Variants in METTL16 observed in about 807,000 individuals in gnomAD.
The protein encoded by METTL16 is methyltransferase 16, RNA N6-adenosine.
In METTL16, 19 loss-of-function variants were observed where a neutral mutation model predicts 57.9. The ratio of observed to expected loss-of-function variants is 0.33; its 90% confidence interval spans 0.23 to 0.48. The LOEUF (loss-of-function observed/expected upper bound fraction) is 0.48, where lower values mean the gene tolerates loss of function less well. METTL16 is among the 20% of genes least tolerant of loss of function. The pLI is 0.99. For synonymous variants in METTL16, 246 were observed against 255.6 expected, an observed-to-expected ratio of 0.96 and a Z score of 0.36; for missense variants, 434 against 691.5, an observed-to-expected ratio of 0.63 and a Z score of 4.18.
intron 2 of METTL16, among the ~76,000 whole-genome samples, chr17:2,492,082 G>A (rs1208567686): frequency 2.6e-5 from 4 of 150,986 alleles, no homozygotes; most frequent in Admixed American, 1.3e-4. Context: ...GTGGTGGCGG[G>A]TGCCTGTAGT....
intron 2 of METTL16, among the ~76,000 whole-genome samples, chr17:2,492,897 C>CAAAAAAAA (rs56853674): frequency 2.6e-5 from 2 of 75,884 alleles, no homozygotes; most frequent in African/African-American, 1.0e-4. Flanking sequence ...GACTCCGTCT[C>CAAAAAAAA]AAAAAAAAAA....
intron 8 of METTL16, among the ~76,000 whole-genome samples, chr17:2,434,491 G>A (rs1159052080): frequency 2.6e-5 from 4 of 152,178 alleles, no homozygotes; most frequent in Non-Finnish European, 5.9e-5. Context: ...GGGATCACAG[G>A]CATCAGCCAC....
chr17:2,511,819 T>A lies in METTL16; in HGVS notation c.-61A>T. The A allele has an allele frequency of 2.5e-6, 1 of 398,554 alleles. No individual in the cohort carries two copies. Among genetic ancestry groups the A allele is most frequent in the Non-Finnish European group, 4.4e-6 (1 of 226,078 alleles). The allele number at this position is 398,554 out of a possible 1,614,324, so 24.7% of individuals were successfully genotyped here. The stretch of plus-strand genomic sequence containing the variant: ...GGCGTGGGCCTGTACAACCCTAGAA[T>A]CTTAAAGCAGCCGCATAGCGAAGCT... On this transcript the variant is annotated 5_prime_UTR_variant, in exon 1 of 10. Transcript: ENST00000263092.
chr17:2,481,850 A>C (rs897591949), intron 2 of METTL16, among the ~76,000 whole-genome samples: 1 of 48,946 alleles, frequency 2.0e-5, no homozygotes, highest in Non-Finnish European at 3.8e-5. Flanking sequence ...ACCAGACTTT[A>C]AGGCTTACAA....
Position 2,466,193 on chromosome 17 carries a change from C to CAAAAAAAAAAAAAAAAAAAA in METTL16, c.585+1567_585+1568insTTTTTTTTTTTTTTTTTTTT. Among the ~76,000 whole-genome samples the CAAAAAAAAAAAAAAAAAAAA allele has an allele frequency of 1.9e-5, 2 of 103,900 alleles. 1 individual carries two copies. Among genetic ancestry groups the CAAAAAAAAAAAAAAAAAAAA allele is most frequent in the Non-Finnish European group, 4.4e-5 (2 of 45,938 alleles). 68.2% of individuals were successfully genotyped at this position (103,900 alleles called of 152,430 possible). ...GGGTGACAAGAGTAAGACTCTGTCA[C>CAAAAAAAAAAAAAAAAAAAA]AAAAAAAAAAAAAAAAAAAGCCACT... On this transcript the variant is annotated intron_variant, in intron 5 of 9. Coordinates refer to ENST00000263092, the MANE Select transcript of METTL16 (RefSeq NM_024086.4).
chr17:2,469,256 A>G (rs1049042493), intron 4 of METTL16, among the ~76,000 whole-genome samples: 2 of 152,082 alleles, frequency 1.3e-5, no homozygotes, highest in African/African-American at 4.8e-5. Context: ...AAAAATAAAA[A>G]TAAATAAATA....
intron 6 of METTL16, among the ~76,000 whole-genome samples, chr17:2,446,583 G>C (rs923162491): frequency 5.2e-5 from 7 of 133,838 alleles, no homozygotes; most frequent in African/African-American, 2.2e-4. Context: ...GAGATCAAGA[G>C]CATCCTGGCT....
intron 6 of METTL16, among the ~76,000 whole-genome samples, chr17:2,459,281 G>A (rs2067132114): frequency 6.6e-6 from 1 of 152,184 alleles, no homozygotes; most frequent in Non-Finnish European, 1.5e-5. Flanking sequence ...AAAGACCACT[G>A]GACTAGAATG....
At chr17:2,499,800 C>A (rs1199204224) in intron 2 of METTL16, among the ~76,000 whole-genome samples, 3 of 152,096 alleles carry the variant, frequency 2.0e-5, no homozygotes, top group Admixed American at 2.0e-4. Context: ...GTTGCCCAGG[C>A]TGAAGTGCAG....
At chr17:2,437,275 G>T (rs1042592657) in intron 8 of METTL16, among the ~76,000 whole-genome samples, 3 of 152,082 alleles carry the variant, frequency 2.0e-5, no homozygotes, top group African/African-American at 7.2e-5. Context: ...TTCAAAAATG[G>T]TTAAGATTCT....
chr17:2,492,872 T>C (rs1597469235), intron 2 of METTL16, among the ~76,000 whole-genome samples: 1 of 121,260 alleles, frequency 8.2e-6, no homozygotes, highest in Non-Finnish European at 1.6e-5. Flanking sequence ...CACTCCAGCC[T>C]GGGCAACAGA....
At chr17:2,444,713 A>ATT (rs1284220670) in intron 6 of METTL16, among the ~76,000 whole-genome samples, 14 of 129,324 alleles carry the variant, frequency 1.1e-4, no homozygotes, top group African/African-American at 2.6e-4. Context: ...CAGATGGACC[A>ATT]TTTTTTTTTT....
At chr17:2,466,545 A>G (rs1313271835) in intron 5 of METTL16, among the ~76,000 whole-genome samples, 1 of 152,158 alleles carries the variant, frequency 6.6e-6, no homozygotes, top group South Asian at 2.1e-4. Context: ...TCGTTAAGTC[A>G]ATCTAAATTG....
intron 2 of METTL16, 44 bp downstream of exon 2, chr17:2,502,160 T>A: frequency 6.3e-7 from 1 of 1,596,254 alleles, no homozygotes; most frequent in Non-Finnish European, 8.6e-7. Context: ...TCATATCCAT[T>A]TGAATCACAC....
intron 8 of METTL16, among the ~76,000 whole-genome samples, chr17:2,428,162 C>T (rs2066833655): frequency 6.6e-6 from 1 of 151,980 alleles, no homozygotes; most frequent in South Asian, 2.1e-4. Flanking sequence ...AAAACAATGA[C>T]TAACCTGGTA....
Position 2,476,956 on chromosome 17 carries a change from CA to C in METTL16, c.328+729del, listed in dbSNP as rs34519562. ...GGGCGACAAGAGCAAAATTCCGTTTCAAAAAAAAAAAAAAATCAGAATACGA... is the reference window on the plus strand; with the variant it reads ...GGGCGACAAGAGCAAAATTCCGTTTCAAAAAAAAAAAAAATCAGAATACGA... On this transcript the variant is annotated intron_variant, in intron 3 of 9. Transcript: ENST00000263092. Among the ~76,000 whole-genome samples the C allele has an allele frequency of 4.5e-3, 526 of 116,144 alleles. 1 individual carries two copies. Among genetic ancestry groups the C allele is most frequent in the East Asian group, 0.023 (90 of 3,856 alleles). 76.2% of individuals were successfully genotyped at this position (116,144 alleles called of 152,430 possible). A position where few individuals can be genotyped will look rare whatever the true frequency, so the allele number is the denominator to read the frequency against.
At chr17:2,489,732 C>CAAAAA (rs61506042) in intron 2 of METTL16, among the ~76,000 whole-genome samples, 1 of 60,330 alleles carries the variant, frequency 1.7e-5, no homozygotes, top group African/African-American at 8.6e-5. Flanking sequence ...GAGCGAGACT[C>CAAAAA]AAAAAAAAAA....
chr17:2,491,638 G>A (rs1352885015), intron 2 of METTL16, among the ~76,000 whole-genome samples: 6 of 152,112 alleles, frequency 3.9e-5, no homozygotes, highest in Non-Finnish European at 8.8e-5. Context: ...CACGTTGGGA[G>A]GCCAAGGCGG....
intron 8 of METTL16, among the ~76,000 whole-genome samples, chr17:2,435,099 G>T (rs1348729953): frequency 6.6e-6 from 1 of 150,794 alleles, no homozygotes; most frequent in Non-Finnish European, 1.5e-5. Flanking sequence ...TGAAATTATG[G>T]AACAAAATTC....
Sources: allele counts gnomAD v4.1 joint callset (sites outside exome capture counted in the v4.1 genomes callset), GRCh38; gene constraint gnomAD v4.1.1; transcripts MANE v1.5; gene names NCBI Gene and HGNC (gene_info 2026-07-23, HGNC 2026-07-21).